The following BCL9 variants were observed in gnomAD, a reference collection of about 807,000 sequenced individuals.
The protein encoded by BCL9 is B-cell CLL/lymphoma 9 protein.
BCL9 carries 25 observed loss-of-function variants against 88.5 expected under a neutral mutation model. That is an observed-to-expected ratio of 0.28 (90% confidence interval 0.21 to 0.39). BCL9 has a LOEUF of 0.39. BCL9 is among the 10% of genes least tolerant of loss of function. The pLI is 1.00. For missense variants in BCL9, 1,817 were observed against 1,877.8 expected (o/e 0.97, Z 0.60); for synonymous variants, 711 against 673.3 (o/e 1.06, Z -0.87).
intron 1 of BCL9, among the ~76,000 whole-genome samples, chr1:147,580,573 A>G (rs1490427014): frequency 1.3e-5 from 2 of 152,194 alleles, no homozygotes; most frequent in African/African-American, 4.8e-5. Flanking sequence ...TGAAAGCATA[A>G]ACATGCCATA....
At chr1:147,575,037 G>T (rs1298551902) in intron 1 of BCL9, among the ~76,000 whole-genome samples, 1 of 152,224 alleles carries the variant, frequency 6.6e-6, no homozygotes, top group Non-Finnish European at 1.5e-5. Context: ...AGAGAAGACT[G>T]TACAAAAAAG....
Position 147,611,855 on chromosome 1 carries a change from A to T in BCL9, c.19A>T (p.Lys7Ter). 1 of 1,614,174 alleles carries T rather than the reference A, an allele frequency of 6.2e-7. No homozygotes were observed. Among genetic ancestry groups the T allele is most frequent in the Non-Finnish European group, 8.5e-7 (1 of 1,180,016 alleles). MHSSNPKVRSSPSGNTQ... is the reference protein window; with the variant it reads MHSSNP Reference sequence around the variant, plus strand: ...TCAATCAATGCATTCCAGTAACCCTAAAGTGAGGAGCTCTCCATCAGGAAA... The same window carrying T: ...TCAATCAATGCATTCCAGTAACCCTTAAGTGAGGAGCTCTCCATCAGGAAA... Residue 7 changes from lysine (K) to a stop codon, truncating the protein, a stop_gained, in exon 4 of 10, where the codon AAA becomes TAA. Coordinates refer to ENST00000234739, the MANE Select transcript of BCL9 (RefSeq NM_004326.4). LOFTEE classifies it high-confidence loss of function.
intron 1 of BCL9, among the ~76,000 whole-genome samples, chr1:147,569,485 A>G (rs1376120055): frequency 0.018 from 10 of 546 alleles, no homozygotes; most frequent in Non-Finnish European, 0.025. Context: ...AAAAAAAAAA[A>G]AAAGAAAGAA....
rs1658182994 is a variant in BCL9 at position 147,614,678 on chromosome 1, C to T, written c.560+62C>T. The T allele has an allele frequency of 2.8e-5, 40 of 1,453,822 alleles. 1 individual carries two copies. In the South Asian group the frequency reaches 5.2e-4, roughly 19 times the overall value. The allele number at this position is 1,453,822 out of a possible 1,614,324, so 90.1% of individuals were successfully genotyped here. On this transcript the variant is annotated intron_variant, in intron 6 of 9. Transcript: ENST00000234739. ...TTGTCTGGGGACCTAAATTCTTATT[C>T]CCATTGCAGATTGATCTTTTATTAT... is the stretch of plus-strand genomic sequence containing the variant.
intron 1 of BCL9, among the ~76,000 whole-genome samples, chr1:147,578,929 G>A (rs587761481): frequency 6.6e-6 from 1 of 151,732 alleles, no homozygotes; most frequent in Admixed American, 6.6e-5. Flanking sequence ...GCAATGGCAC[G>A]ATCTCGGCTC....
chr1:147,588,137 C>G (rs1345104760), intron 1 of BCL9, among the ~76,000 whole-genome samples: 1 of 152,104 alleles, frequency 6.6e-6, no homozygotes, highest in African/African-American at 2.4e-5. Flanking sequence ...TCATGAGCTG[C>G]TCATACCACC....
intron 8 of BCL9, 100 bp from the exon 9 acceptor site, chr1:147,622,169 CTG>C: frequency 6.9e-7 from 1 of 1,451,558 alleles, no homozygotes; most frequent in Non-Finnish European, 9.4e-7. Flanking sequence ...TCCTGTTCAT[CTG>C]TCTCATTCCT....
chr1:147,624,066 G>A lies in BCL9; in HGVS notation c.3388G>A (p.Val1130Ile). 6.2e-7 allele frequency: 1 copy of A among 1,613,656 alleles called. No homozygotes were observed. Among genetic ancestry groups the A allele is most frequent in the Non-Finnish European group, 8.5e-7 (1 of 1,179,640 alleles). ...MGHGSQEPPMVPQGRMGFPQG... is the reference protein window; with the variant it reads ...MGHGSQEPPMIPQGRMGFPQG... Reference sequence around the variant, plus strand: ...GCATGGGTCCCAGGAGCCACCGATGGTACCTCAAGGACGGATGGGCTTCCC... The same window carrying A: ...GCATGGGTCCCAGGAGCCACCGATGATACCTCAAGGACGGATGGGCTTCCC... The change falls in exon 10 of 10, where the codon GTA becomes ATA. Residue 1130 changes from valine (V) to isoleucine (I), a missense_variant. Transcript: ENST00000234739. This position sits in a 1 kb window ranked among gnomAD's most constrained non-coding sequence, Gnocchi z 4.4.
Position 147,614,630 on chromosome 1 carries a change from T to G in BCL9, c.560+14T>G. On this transcript the variant is annotated intron_variant, in intron 6 of 9. Transcript: ENST00000234739. ...GATGGCCAATAAGTAAGTTGATGGC[T>G]GTGTCTTGCTGTTGGGCAGGGCTTG... 6.3e-7 allele frequency: 1 copy of G among 1,596,092 alleles called. No homozygotes were observed. The highest frequency in any genetic ancestry group is 1.1e-5 in the South Asian group (1 of 88,842).
intron 1 of BCL9, among the ~76,000 whole-genome samples, chr1:147,563,320 C>T (rs1182194207): frequency 6.6e-6 from 1 of 152,176 alleles, no homozygotes; most frequent in African/African-American, 2.4e-5. Flanking sequence ...TTGTTCATTG[C>T]TGTGCCCTGA....
chr1:147,624,884 C>T lies in BCL9; in HGVS notation c.4206C>T (p.Pro1402=), dbSNP rs782388200. 6.2e-7 allele frequency: 1 copy of T among 1,614,126 alleles called. No homozygotes were observed. The highest frequency in any genetic ancestry group is 8.5e-7 in the Non-Finnish European group (1 of 1,180,006). ...TCATGATCCCCCCACAGATGAGGCC[C>T]CGGGGCATGGCTGCTGACGTGGGCA... The part of the protein sequence containing the change: ...QNIMIPPQMR[P]RGMAADVGMG... Residue 1402 remains proline, a synonymous_variant, in exon 10 of 10, where the codon CCC becomes CCT. Coordinates refer to ENST00000234739, the MANE Select transcript of BCL9 (RefSeq NM_004326.4). The surrounding 1 kb of genome is among the most constrained non-coding windows in gnomAD (Gnocchi z 4.4).
At chr1:147,580,944 CA>C (rs1656337658) in intron 1 of BCL9, among the ~76,000 whole-genome samples, 1 of 152,110 alleles carries the variant, frequency 6.6e-6, no homozygotes, top group African/African-American at 2.4e-5. Context: ...CAGAAAAAAC[CA>C]TTGCCCAACT....
At chr1:147,544,773 G>C (rs782206689) in intron 1 of BCL9, among the ~76,000 whole-genome samples, 1 of 152,092 alleles carries the variant, frequency 6.6e-6, no homozygotes, top group Admixed American at 6.6e-5. Flanking sequence ...TACCTTTTTA[G>C]CAGATCTCTG....
chr1:147,587,705 A>T (rs1255043203), intron 1 of BCL9, among the ~76,000 whole-genome samples: 1 of 151,912 alleles, frequency 6.6e-6, no homozygotes, highest in Non-Finnish European at 1.5e-5. Context: ...AATCTTAAAA[A>T]CCCAAAGGAA....
At chr1:147,591,117 A>T (rs1048198358) in intron 1 of BCL9, among the ~76,000 whole-genome samples, 4 of 152,092 alleles carry the variant, frequency 2.6e-5, no homozygotes, top group African/African-American at 4.8e-5. Context: ...TACCCTCTCC[A>T]TTTGGGTTTT....
chr1:147,573,598 C>A (rs587647728), intron 1 of BCL9, among the ~76,000 whole-genome samples: 2 of 152,156 alleles, frequency 1.3e-5, no homozygotes, highest in South Asian at 4.1e-4. Flanking sequence ...ATTTCTGACC[C>A]TGTCATTTAA....
intron 1 of BCL9, among the ~76,000 whole-genome samples, chr1:147,573,125 A>G (rs1655956797): frequency 6.6e-6 from 1 of 152,182 alleles, no homozygotes; most frequent in Non-Finnish European, 1.5e-5. Context: ...TAGACACACA[A>G]TAAAGACTTA....
At chr1:147,570,524 T>C (rs1475902260) in intron 1 of BCL9, among the ~76,000 whole-genome samples, 2 of 152,152 alleles carry the variant, frequency 1.3e-5, no homozygotes, top group Non-Finnish European at 2.9e-5. Context: ...AATTTTATTT[T>C]CAAATTCTTG....
intron 3 of BCL9, among the ~76,000 whole-genome samples, chr1:147,608,662 G>A (rs1283941895): frequency 8.5e-5 from 13 of 152,176 alleles, no homozygotes; most frequent in African/African-American, 3.1e-4. Flanking sequence ...GGGAGGAAAC[G>A]GGGTACCTAG....
Sources: allele counts gnomAD v4.1 joint callset (sites outside exome capture counted in the v4.1 genomes callset), GRCh38; gene constraint gnomAD v4.1.1; non-coding constraint Gnocchi (gnomAD v3.1); transcripts MANE v1.5; gene names NCBI Gene and HGNC (gene_info 2026-07-23, HGNC 2026-07-21).